Variants in RBM26 observed in about 807,000 individuals in gnomAD.
RBM26 encodes the protein RNA-binding protein 26.
A neutral mutation model predicts 123.6 loss-of-function variants in RBM26; 30 were observed. The ratio of observed to expected loss-of-function variants is 0.24; its 90% confidence interval spans 0.18 to 0.33. The LOEUF (loss-of-function observed/expected upper bound fraction) is 0.33. Ranked by LOEUF, RBM26 falls within the 10% of genes least tolerant of loss-of-function variation. The pLI, the probability that RBM26 is intolerant of heterozygous loss-of-function variation, is 1.00. For missense variants in RBM26, 947 were observed against 1,203.6 expected (o/e 0.79, Z 3.15); for synonymous variants, 400 against 404.4 (o/e 0.99, Z 0.13).
At chr13:79,386,591 T>TAAAAAAAAAAAAAAAAA (rs398023598) in intron 1 of RBM26, among the ~76,000 whole-genome samples, 4 of 92,830 alleles carry the variant, frequency 4.3e-5, no homozygotes, top group African/African-American at 1.7e-4. Context: ...ACTCTCTCTT[T>TAAAAAAAAAAAAAAAAA]AAAAAAAAAA....
chr13:79,400,192 G>T (rs1011588754), intron 1 of RBM26, among the ~76,000 whole-genome samples: 5 of 152,138 alleles, frequency 3.3e-5, no homozygotes, highest in African/African-American at 1.2e-4. Flanking sequence ...GTATTACAAA[G>T]AAAACCATTC....
chr13:79,353,325 G>A (rs929029571), intron 13 of RBM26, 101 bp from the exon 14 acceptor site: 6 of 607,072 alleles, frequency 9.9e-6, no homozygotes, highest in Middle Eastern at 3.1e-4. Context: ...CAGAGTCTAT[G>A]AGTATACCAA....
At chr13:79,397,195 G>C (rs921461919) in intron 1 of RBM26, among the ~76,000 whole-genome samples, 5 of 151,768 alleles carry the variant, frequency 3.3e-5, no homozygotes, top group African/African-American at 2.4e-5. Context: ...AAAAGAAAAA[G>C]AAATAAGAAG....
At chr13:79,380,082 A>C (rs992745831) in intron 1 of RBM26, among the ~76,000 whole-genome samples, 1 of 152,190 alleles carries the variant, frequency 6.6e-6, no homozygotes, top group Non-Finnish European at 1.5e-5. Context: ...CAAGGTCACA[A>C]ATGCAATTTA....
intron 20 of RBM26, among the ~76,000 whole-genome samples, chr13:79,331,651 T>C (rs1190372022): frequency 6.6e-6 from 1 of 150,932 alleles, no homozygotes; most frequent in Non-Finnish European, 1.5e-5. Flanking sequence ...AAAAAAAAAA[T>C]TGTACCTCTG....
chr13:79,389,931 T>C (rs1007279986), intron 1 of RBM26, among the ~76,000 whole-genome samples: 4 of 152,130 alleles, frequency 2.6e-5, no homozygotes, highest in Non-Finnish European at 5.9e-5. Flanking sequence ...TACCTAACAG[T>C]ATACTTTTAT....
chr13:79,355,436 C>T (rs763446030), intron 11 of RBM26, 52 bp from the exon 12 acceptor site: 105 of 1,465,038 alleles, frequency 7.2e-5, no homozygotes, highest in Non-Finnish European at 9.0e-5. Flanking sequence ...TCTGTTGCTT[C>T]ATAGAGTAAA....
intron 14 of RBM26, among the ~76,000 whole-genome samples, chr13:79,352,295 A>G (rs1226057356): frequency 6.6e-6 from 1 of 152,194 alleles, no homozygotes; most frequent in Admixed American, 6.5e-5. Flanking sequence ...AGGAGCCCCA[A>G]ATTCTAGTTC....
chr13:79,349,908 G>A (rs2139371650), intron 14 of RBM26, among the ~76,000 whole-genome samples: 1 of 152,216 alleles, frequency 6.6e-6, no homozygotes, highest in Admixed American at 6.5e-5. Context: ...GTATTGGCCA[G>A]GCTGGTCTCG....
At chr13:79,375,008 AAT>A (rs905480294) in intron 3 of RBM26, among the ~76,000 whole-genome samples, 5 of 138,108 alleles carry the variant, frequency 3.6e-5, no homozygotes, top group African/African-American at 1.0e-4. Flanking sequence ...GCATACATAT[AAT>A]ATATATATTA....
At chr13:79,364,109 T>C (rs1369513921) in intron 9 of RBM26, among the ~76,000 whole-genome samples, 1 of 140,682 alleles carries the variant, frequency 7.1e-6, no homozygotes, top group Admixed American at 7.1e-5. Flanking sequence ...ATCCCTCACA[T>C]ACAAGCTGTT....
In RBM26 at chr13:79,319,882, CTATTT is replaced by C; in HGVS notation, c.*734_*738del. 2 of 908,062 alleles carry C rather than the reference CTATTT, an allele frequency of 2.2e-6. No homozygotes were observed. The highest frequency in any genetic ancestry group is 2.5e-6 in the Non-Finnish European group (2 of 793,282). 56.3% of individuals were successfully genotyped at this position (908,062 alleles called of 1,614,324 possible). A position where few individuals can be genotyped will look rare whatever the true frequency, so the allele number is the denominator to read the frequency against. ...AGGGTAGATCACCATCTGGAATGGT[CTATTT>C]TAATTTTTTTCTTTTCTTTTTTCTT... On this transcript the variant is annotated 3_prime_UTR_variant, in exon 22 of 22. Transcript: ENST00000438737.
chr13:79,375,060 T>TATA (rs1365519035), intron 3 of RBM26, among the ~76,000 whole-genome samples: 2 of 141,492 alleles, frequency 1.4e-5, no homozygotes, highest in African/African-American at 5.4e-5. Flanking sequence ...TATATTTATA[T>TATA]TTTTATATAT....
Position 79,366,726 on chromosome 13 carries a change from G to T in RBM26, c.1042C>A (p.Pro348Thr). 6.2e-7 allele frequency: 1 copy of T among 1,612,708 alleles called. No individual in the cohort carries two copies. The highest frequency in any genetic ancestry group is 8.5e-7 in the Non-Finnish European group (1 of 1,179,324). The change falls in exon 7 of 22, where the codon CCA (proline) becomes ACA (threonine). Residue 348 changes from proline to threonine, a missense_variant. Around this residue, in one of 5 missense-constraint regions of RBM26, gnomAD observed 493 missense variants for 563.1 expected, o/e 0.88. Transcript: ENST00000438737. ...GGGGGTGTAAGAATTGGTGGAGGTG[G>T]GGGGAGTCCAGGAGGAGGTGGTCCT... ...VEGPPPPGLP[P>T]PPPILTPPPV... is the part of the protein sequence containing the mutation.
rs1037893363 is a variant in RBM26, at chr13:79,352,936, A to C, written c.2058+217T>G. ...AAAACAAAGAAAAGGAATGGAGTAC[A>C]TGGAAATATAGTGGGAGGCAAGTAT... On this transcript the variant is annotated intron_variant, in intron 14 of 21. Transcript: ENST00000438737. 3.9e-5 allele frequency among the ~76,000 whole-genome samples: 6 copies of C among 152,202 alleles called. No individual in the cohort carries two copies. In the East Asian group the frequency reaches 9.6e-4, roughly 24 times the overall value.
At chr13:79,371,330 T>A (rs972538002) in intron 4 of RBM26, among the ~76,000 whole-genome samples, 168 bp from the exon 5 acceptor site, 1 of 152,184 alleles carries the variant, frequency 6.6e-6, no homozygotes, top group Non-Finnish European at 1.5e-5. Flanking sequence ...CCCTTTTAAA[T>A]GAAAAACAAT....
At chr13:79,374,987 T>C (rs1490190901) in intron 3 of RBM26, among the ~76,000 whole-genome samples, 1 of 148,196 alleles carries the variant, frequency 6.7e-6, no homozygotes, top group African/African-American at 2.5e-5. Flanking sequence ...CAAGATTTTC[T>C]GAGAATTAAA....
chr13:79,401,913 T>A (rs1347316139), intron 1 of RBM26, among the ~76,000 whole-genome samples: 1 of 152,170 alleles, frequency 6.6e-6, no homozygotes, highest in Non-Finnish European at 1.5e-5. Context: ...CTAGGCATTT[T>A]GTTCTTTACT....
At chr13:79,377,285 G>A in intron 3 of RBM26, 94 bp downstream of exon 3, 1 of 1,037,324 alleles carries the variant, frequency 9.6e-7, no homozygotes, top group South Asian at 1.4e-5. Context: ...TGGTCCTGAG[G>A]ACTCCAACAC....
Sources: allele counts gnomAD v4.1 joint callset (sites outside exome capture counted in the v4.1 genomes callset), GRCh38; gene constraint gnomAD v4.1.1; regional missense constraint gnomAD v4.1.1; transcripts MANE v1.5; gene names NCBI Gene and HGNC (gene_info 2026-07-23, HGNC 2026-07-21).